Variants in MGAT4C observed in about 807,000 individuals in gnomAD.
MGAT4C encodes the protein alpha-1,3-mannosyl-glycoprotein 4-beta-N-acetylglucosaminyltransferase C.
A neutral mutation model predicts 40.1 loss-of-function variants in MGAT4C; 19 were observed. That is an observed-to-expected ratio of 0.47 (90% confidence interval 0.33 to 0.70). MGAT4C has a LOEUF of 0.70. Among genes scored for constraint, MGAT4C ranks in the 30% least tolerant of loss-of-function variants. The pLI is 0.02. For missense variants in MGAT4C, 491 were observed against 563.2 expected (o/e 0.87, Z 1.30); for synonymous variants, 181 against 187.1 (o/e 0.97, Z 0.27).
intron 2 of MGAT4C, among the ~76,000 whole-genome samples, chr12:86,486,418 A>T (rs1204582105): frequency 2.0e-5 from 3 of 148,000 alleles, no homozygotes; most frequent in African/African-American, 7.7e-5. Flanking sequence ...ACACACACAC[A>T]CAAAAGAGCA....
chr12:86,140,387 C>G (rs1017563058), intron 1 of MGAT4C, among the ~76,000 whole-genome samples: 3 of 152,006 alleles, frequency 2.0e-5, no homozygotes, highest in African/African-American at 7.2e-5. Context: ...CTCAGCAAAC[C>G]AACAAAGGAA....
At chr12:86,734,365 T>C (rs1210870649) in intron 1 of MGAT4C, among the ~76,000 whole-genome samples, 1 of 151,812 alleles carries the variant, frequency 6.6e-6, no homozygotes, top group African/African-American at 2.4e-5. Context: ...CTAAAAACAG[T>C]GGGAGTAGAG....
intron 4 of MGAT4C, among the ~76,000 whole-genome samples, chr12:86,268,448 AT>A (rs1011038464): frequency 6.6e-5 from 10 of 150,814 alleles, no homozygotes; most frequent in East Asian, 3.9e-4. Flanking sequence ...TATATAAAGG[AT>A]TTTTTTTTCT....
chr12:86,120,373 A>C (rs1879178443), intron 1 of MGAT4C, among the ~76,000 whole-genome samples: 1 of 152,248 alleles, frequency 6.6e-6, no homozygotes, highest in African/African-American at 2.4e-5. Flanking sequence ...TCCCAGTCTG[A>C]CAGCTTTGAA....
At chr12:86,763,946 G>A (rs1024235273) in intron 1 of MGAT4C, among the ~76,000 whole-genome samples, 3 of 152,090 alleles carry the variant, frequency 2.0e-5, no homozygotes, top group Admixed American at 6.5e-5. Context: ...CGCAGAAGAC[G>A]GGTGATTTCT....
At chr12:86,770,159 G>A (rs1344896210) in intron 1 of MGAT4C, among the ~76,000 whole-genome samples, 1 of 151,670 alleles carries the variant, frequency 6.6e-6, no homozygotes, top group African/African-American at 2.4e-5. Context: ...TTTTTTCATA[G>A]AACGTTAGTA....
intron 2 of MGAT4C, among the ~76,000 whole-genome samples, chr12:86,652,957 A>T (rs992586484): frequency 3.3e-5 from 5 of 151,818 alleles, no homozygotes; most frequent in African/African-American, 1.2e-4. Context: ...AAAATTTGTC[A>T]TTTTTTTAGT....
intron 2 of MGAT4C, among the ~76,000 whole-genome samples, chr12:86,493,943 T>G (rs967387212): frequency 1.3e-5 from 2 of 152,068 alleles, no homozygotes; most frequent in Admixed American, 6.6e-5. Context: ...ATGTTGCGAT[T>G]TTTTTCTCTC....
chr12:86,836,189 A>C (rs73395155), intron 1 of MGAT4C, among the ~76,000 whole-genome samples: 2 of 152,128 alleles, frequency 1.3e-5, no homozygotes, highest in African/African-American at 4.8e-5. Flanking sequence ...TGACATGTGA[A>C]ATATAGTTAA....
chr12:86,223,885 A>G (rs1950976288), intron 1 of MGAT4C, among the ~76,000 whole-genome samples: 1 of 152,176 alleles, frequency 6.6e-6, no homozygotes, highest in African/African-American at 2.4e-5. Flanking sequence ...TGTTGCAGTC[A>G]CTACTATCAC....
At chr12:86,041,851 G>A (rs1443932556) in intron 2 of MGAT4C, among the ~76,000 whole-genome samples, 1 of 152,082 alleles carries the variant, frequency 6.6e-6, no homozygotes, top group African/African-American at 2.4e-5. Flanking sequence ...GTTGAGTTCA[G>A]GTCCTGAATA....
chr12:86,122,590 G>A (rs1006418684), intron 1 of MGAT4C, among the ~76,000 whole-genome samples: 18 of 152,012 alleles, frequency 1.2e-4, no homozygotes, highest in African/African-American at 4.3e-4. Context: ...TTATACAAAC[G>A]ATGAAAGTAA....
At chr12:86,111,219 C>G (rs575664560) in intron 1 of MGAT4C, among the ~76,000 whole-genome samples, 1 of 151,774 alleles carries the variant, frequency 6.6e-6, no homozygotes, top group South Asian at 2.1e-4. Flanking sequence ...ATAAATGCAT[C>G]AGTAAACTAA....
chr12:86,576,247 G>A (rs187406364), intron 2 of MGAT4C, among the ~76,000 whole-genome samples: 168 of 151,892 alleles, frequency 1.1e-3, no homozygotes, highest in African/African-American at 3.6e-3. Context: ...TGTCAGAGAG[G>A]TAGTTTGCAA....
intron 2 of MGAT4C, among the ~76,000 whole-genome samples, chr12:86,698,681 G>C (rs180739162): frequency 8.4e-5 from 12 of 142,694 alleles, no homozygotes; most frequent in East Asian, 4.2e-4. Context: ...TGAGCTGTGG[G>C]GGGGGTGGGT....
At chr12:86,829,169 A>G (rs1177421684) in intron 1 of MGAT4C, among the ~76,000 whole-genome samples, 2 of 151,632 alleles carry the variant, frequency 1.3e-5, no homozygotes, top group Non-Finnish European at 3.0e-5. Context: ...CATATATAAT[A>G]CACAATAGTA....
intron 1 of MGAT4C, among the ~76,000 whole-genome samples, chr12:86,170,247 A>C (rs946777236): frequency 3.9e-5 from 6 of 152,212 alleles, no homozygotes; most frequent in Admixed American, 1.3e-4. Flanking sequence ...TGCTATGAGA[A>C]TCCTCATGAA....
chr12:86,585,452 A>G (rs1490278354), intron 2 of MGAT4C, among the ~76,000 whole-genome samples: 1 of 151,538 alleles, frequency 6.6e-6, no homozygotes, highest in Non-Finnish European at 1.5e-5. Context: ...ACAAAATGAT[A>G]CTATAAAAAC....
chr12:86,590,978 G>A (rs1459868607), intron 2 of MGAT4C, among the ~76,000 whole-genome samples: 1 of 151,932 alleles, frequency 6.6e-6, no homozygotes, highest in Non-Finnish European at 1.5e-5. Flanking sequence ...AAAATATGGT[G>A]CATATTTTAA....
Sources: allele counts gnomAD v4.1 joint callset (sites outside exome capture counted in the v4.1 genomes callset), GRCh38; gene constraint gnomAD v4.1.1; transcripts MANE v1.5; gene names NCBI Gene and HGNC (gene_info 2026-07-23, HGNC 2026-07-21).